The following CPNE8 variants were observed in gnomAD, a reference collection of about 807,000 sequenced individuals.
The protein encoded by CPNE8 is copine 8, also known as copine-8.
CPNE8 carries 45 observed loss-of-function variants against 81.5 expected under a neutral mutation model. The observed-to-expected ratio is 0.55, with a 90% CI of 0.44 to 0.71. CPNE8 has a LOEUF of 0.71. Ranked by LOEUF, CPNE8 falls within the 30% of genes least tolerant of loss-of-function variation. CPNE8 has a pLI of 0.00. For missense variants in CPNE8, 594 were observed against 672.1 expected, an observed-to-expected ratio of 0.88 and a Z score of 1.28; for synonymous variants, 252 against 226.3, an observed-to-expected ratio of 1.11 and a Z score of -1.02.
chr12:38,661,075 A>G (rs1938941358), intron 19 of CPNE8, among the ~76,000 whole-genome samples: 1 of 152,220 alleles, frequency 6.6e-6, no homozygotes, highest in Non-Finnish European at 1.5e-5. Flanking sequence ...CTAGAACTAG[A>G]AATACCATTT....
At chr12:38,763,184 A>G (rs547800460) in intron 8 of CPNE8, among the ~76,000 whole-genome samples, 33 of 152,240 alleles carry the variant, frequency 2.2e-4, no homozygotes, top group Non-Finnish European at 3.7e-4. Flanking sequence ...AGCAGGTGAG[A>G]GTAGATGGGA....
intron 5 of CPNE8, among the ~76,000 whole-genome samples, chr12:38,834,531 C>A (rs960466064): frequency 1.3e-5 from 2 of 152,200 alleles, no homozygotes; most frequent in Non-Finnish European, 2.9e-5. Context: ...TATTCCAAAT[C>A]TGACCACGTC....
intron 16 of CPNE8, among the ~76,000 whole-genome samples, chr12:38,683,837 A>C (rs955071141): frequency 7.2e-5 from 11 of 152,138 alleles, no homozygotes; most frequent in African/African-American, 2.7e-4. Flanking sequence ...TTTCACTAGC[A>C]GGTGCTCCTA....
At chr12:38,873,550 A>G (rs1944022132) in intron 2 of CPNE8, among the ~76,000 whole-genome samples, 3 of 152,184 alleles carry the variant, frequency 2.0e-5, no homozygotes, top group Non-Finnish European at 4.4e-5. Context: ...AGGGAGATTA[A>G]GAGTTTTGGG....
At chr12:38,700,567 A>G (rs1267743366) in intron 14 of CPNE8, among the ~76,000 whole-genome samples, 1 of 152,106 alleles carries the variant, frequency 6.6e-6, no homozygotes, top group African/African-American at 2.4e-5. Context: ...TGTTTTCAAC[A>G]TGAAAGTGCA....
chr12:38,755,774 C>T (rs1010574351), intron 10 of CPNE8, among the ~76,000 whole-genome samples: 2 of 152,140 alleles, frequency 1.3e-5, no homozygotes, highest in African/African-American at 4.8e-5. Flanking sequence ...GGCGCGGTGG[C>T]TCACGCCTGT....
At chr12:38,834,340 C>T (rs1943347336) in intron 5 of CPNE8, among the ~76,000 whole-genome samples, 1 of 152,096 alleles carries the variant, frequency 6.6e-6, no homozygotes, top group African/African-American at 2.4e-5. Flanking sequence ...TGAACTTGGC[C>T]TTACCATGGG....
chr12:38,741,178 C>T (rs553689695), intron 10 of CPNE8, among the ~76,000 whole-genome samples: 12 of 150,016 alleles, frequency 8.0e-5, no homozygotes, highest in Middle Eastern at 3.2e-3. Context: ...TTGGAAAAAA[C>T]CACTTTAAAG....
At chr12:38,729,068 C>CA (rs2136760228) in intron 11 of CPNE8, among the ~76,000 whole-genome samples, 1 of 152,088 alleles carries the variant, frequency 6.6e-6, no homozygotes, top group East Asian at 1.9e-4. Context: ...GAAAATGCTA[C>CA]AAAAGCTAGA....
intron 1 of CPNE8, among the ~76,000 whole-genome samples, chr12:38,904,595 A>C (rs1184842613): frequency 6.6e-6 from 1 of 151,258 alleles, no homozygotes; most frequent in African/African-American, 2.4e-5. Flanking sequence ...CAGTCTCCCG[A>C]GTAGCTGGGA....
chr12:38,696,136 G>A (rs1939790323), intron 14 of CPNE8, among the ~76,000 whole-genome samples: 1 of 152,064 alleles, frequency 6.6e-6, no homozygotes, highest in Non-Finnish European at 1.5e-5. Context: ...TGGGCCCTTT[G>A]TACCCATACA....
chr12:38,659,847 G>A (rs1331777321), intron 19 of CPNE8, among the ~76,000 whole-genome samples: 1 of 152,172 alleles, frequency 6.6e-6, no homozygotes, highest in African/African-American at 2.4e-5. Flanking sequence ...CAAATCATGA[G>A]TGAACTCCCA....
chr12:38,824,732 T>C (rs1943162549), intron 6 of CPNE8, among the ~76,000 whole-genome samples: 1 of 152,330 alleles, frequency 6.6e-6, no homozygotes, highest in South Asian at 2.1e-4. Flanking sequence ...TTTAAATTCA[T>C]GATAAATCAA....
chr12:38,799,805 G>A (rs376655285), intron 6 of CPNE8, among the ~76,000 whole-genome samples: 41 of 142,354 alleles, frequency 2.9e-4, no homozygotes, highest in East Asian at 2.2e-3. Context: ...TGCGCGCACC[G>A]TGCGCGAGCC....
intron 1 of CPNE8, among the ~76,000 whole-genome samples, chr12:38,891,847 C>T (rs560044674): frequency 2.6e-5 from 4 of 152,348 alleles, no homozygotes; most frequent in African/African-American, 9.6e-5. Flanking sequence ...AAGTGGCAAA[C>T]ATTTATTGAA....
At chr12:38,886,580 A>G (rs1944240213) in intron 1 of CPNE8, among the ~76,000 whole-genome samples, 1 of 152,190 alleles carries the variant, frequency 6.6e-6, no homozygotes, top group African/African-American at 2.4e-5. Context: ...CTACTAGAGT[A>G]GTGTATGGGA....
intron 3 of CPNE8, among the ~76,000 whole-genome samples, chr12:38,855,464 T>C (rs1943715423): frequency 6.6e-6 from 1 of 152,104 alleles, no homozygotes; most frequent in Non-Finnish European, 1.5e-5. Context: ...ACTACCTGAC[T>C]TCAAAATCGA....
chr12:38,809,311 G>A (rs540281879), intron 6 of CPNE8, among the ~76,000 whole-genome samples: 1 of 152,126 alleles, frequency 6.6e-6, no homozygotes, highest in Admixed American at 6.5e-5. Context: ...CGGTTTCCAC[G>A]TGGCCTCCAT....
intron 19 of CPNE8, among the ~76,000 whole-genome samples, chr12:38,665,012 C>A (rs1034216862): frequency 6.6e-6 from 1 of 152,148 alleles, no homozygotes; most frequent in Admixed American, 6.5e-5. Flanking sequence ...TTTATTTCTT[C>A]AGTCATGTCA....
Sources: allele counts gnomAD v4.1 joint callset (sites outside exome capture counted in the v4.1 genomes callset), GRCh38; gene constraint gnomAD v4.1.1; transcripts MANE v1.5; gene names NCBI Gene and HGNC (gene_info 2026-07-23, HGNC 2026-07-21).